The following CAMTA1 variants were observed in gnomAD, a reference collection of about 807,000 sequenced individuals.
CAMTA1 encodes the protein calmodulin-binding transcription activator 1.
CAMTA1 carries 27 observed loss-of-function variants against 170.9 expected under a neutral mutation model. The ratio of observed to expected loss-of-function variants is 0.16; its 90% CI spans 0.12 to 0.22. The LOEUF (loss-of-function observed/expected upper bound fraction) is 0.22. Among genes scored for constraint, CAMTA1 ranks in the 10% least tolerant of loss-of-function variants. The pLI, the probability that CAMTA1 is intolerant of heterozygous loss-of-function variation, is 1.00. For synonymous variants in CAMTA1, 833 were observed against 891.5 expected, an observed-to-expected ratio of 0.93 and a Z score of 1.17; for missense variants, 1,619 against 2,217.2, an observed-to-expected ratio of 0.73 and a Z score of 5.42.
intron 3 of CAMTA1, among the ~76,000 whole-genome samples, chr1:7,054,834 T>C (rs1276321126): frequency 2.6e-5 from 4 of 152,180 alleles, no homozygotes; most frequent in Admixed American, 2.6e-4. Flanking sequence ...AATTTATAAA[T>C]ACAAGAAGTT....
At chr1:7,385,254 T>C (rs918314916) in intron 5 of CAMTA1, among the ~76,000 whole-genome samples, 9 of 151,978 alleles carry the variant, frequency 5.9e-5, no homozygotes, top group African/African-American at 2.2e-4. Context: ...CACTCCCGGC[T>C]AAGTTTTTGT....
chr1:7,694,225 G>C (rs1161966754), intron 11 of CAMTA1: 2 of 152,242 alleles, frequency 1.3e-5, no homozygotes, highest in Admixed American at 6.5e-5. Context: ...GTTGTTGTGT[G>C]TCTGAGGTGT....
At position 7,398,154 on chromosome 1, in the gene CAMTA1, GCT is replaced by G. The variant is rs371668581; in HGVS notation, c.439-69637_439-69636del. Among the ~76,000 whole-genome samples, 131 of 26,238 alleles carry G rather than the reference GCT, an allele frequency of 5.0e-3. 3 individuals are homozygous for G. The highest frequency in any genetic ancestry group is 0.012 in the South Asian group (6 of 504). 17.2% of individuals were successfully genotyped at this position (26,238 alleles called of 152,430 possible). A position where few individuals can be genotyped will look rare whatever the true frequency, so the allele number is the denominator to read the frequency against. On this transcript the variant is annotated intron_variant, in intron 5 of 22. Coordinates refer to ENST00000303635, the MANE Select transcript of CAMTA1 (RefSeq NM_015215.4). ...TTCAGAAGTTAGATATAATAATATT[GCT>G]CTCTCTCTCTCTCTCTCTCTCTCTC...
chr1:7,010,012 G>A lies in CAMTA1; in HGVS notation c.235-81292G>A, dbSNP rs755777443. On this transcript the variant is annotated intron_variant, in intron 3 of 22. Transcript: ENST00000303635. The surrounding 1 kb of genome is among the most constrained non-coding windows in gnomAD (Gnocchi z 4.4). ...GCGCTGTCCAGGTGCCGGCCAGTGT[G>A]GAAGGAGCTGGCTGCTGAGGATTTA... is the stretch of plus-strand genomic sequence containing the variant. Among the ~76,000 whole-genome samples the A allele has an allele frequency of 1.3e-5, 2 of 152,224 alleles. No homozygotes were observed. Among genetic ancestry groups the A allele is most frequent in the African/African-American group, 2.4e-5 (1 of 41,460 alleles).
intron 1 of CAMTA1, among the ~76,000 whole-genome samples, chr1:6,801,514 C>G (rs1463656780): frequency 6.6e-6 from 1 of 152,016 alleles, no homozygotes. Context: ...AACATAAACA[C>G]TTGTTTAATA....
At position 7,239,863 on chromosome 1, in the gene CAMTA1, AAGAATGAGAGAATG is replaced by A. The variant is rs1225699002; in HGVS notation, c.303-9616_303-9603del. On this transcript the variant is annotated intron_variant, in intron 4 of 22. Transcript: ENST00000303635. Reference sequence around the variant, plus strand: ...GGAAGGTGGAAGGGCAAGAGAGGGCAAGAATGAGAGAATGAGAATGAGAGAGGAGGAGGGGGCCA... The same window carrying A: ...GGAAGGTGGAAGGGCAAGAGAGGGCAAGAATGAGAGAGGAGGAGGGGGCCA... 6.6e-5 allele frequency among the ~76,000 whole-genome samples: 10 copies of A among 152,088 alleles called. No individual in the cohort carries two copies. In the South Asian group the frequency reaches 2.1e-3, roughly 32 times the overall value.
intron 11 of CAMTA1, among the ~76,000 whole-genome samples, chr1:7,727,877 A>G (rs1008274032): frequency 2.6e-5 from 4 of 152,252 alleles, no homozygotes; most frequent in Non-Finnish European, 4.4e-5. Flanking sequence ...TGCAGAGGAA[A>G]GGACATGTGA....
chr1:7,709,208 G>A (rs901518252), intron 11 of CAMTA1, among the ~76,000 whole-genome samples: 1 of 152,200 alleles, frequency 6.6e-6, no homozygotes, highest in Non-Finnish European at 1.5e-5. Context: ...GCTGTTTATG[G>A]GGTGCAGAGG....
At chr1:7,099,865 G>C (rs1354372743) in intron 4 of CAMTA1, among the ~76,000 whole-genome samples, 1 of 152,220 alleles carries the variant, frequency 6.6e-6, no homozygotes, top group Non-Finnish European at 1.5e-5. Flanking sequence ...AATTCTCCCA[G>C]TTTATAGCCT....
chr1:7,714,038 G>T (rs989043638), intron 11 of CAMTA1, among the ~76,000 whole-genome samples: 1 of 152,074 alleles, frequency 6.6e-6, no homozygotes, highest in Non-Finnish European at 1.5e-5. Context: ...TTAAAAATTG[G>T]CAGCTACTCT....
At chr1:7,150,667 C>T (rs1646519995) in intron 4 of CAMTA1, among the ~76,000 whole-genome samples, 1 of 152,010 alleles carries the variant, frequency 6.6e-6, no homozygotes, top group Admixed American at 6.6e-5. Flanking sequence ...CACTGCTCCA[C>T]CCAATGCAAA....
rs1462811868 is a variant in CAMTA1 at position 6,785,580 on chromosome 1, G to A, written c.45+5G>A. On this transcript the variant is annotated splice_donor_5th_base_variant and intron_variant, in intron 1 of 22. Transcript: ENST00000303635. ...CTGCCGAAAACAAGCCGGAAGGTAA[G>A]AGCCGGAGCGCGAGGGGCTGGGGGG... is the stretch of plus-strand genomic sequence containing the variant. 2 of 1,055,176 alleles carry A rather than the reference G, an allele frequency of 1.9e-6. No individual in the cohort carries two copies. Among genetic ancestry groups the A allele is most frequent in the Non-Finnish European group, 2.3e-6 (2 of 859,222 alleles). 65.4% of individuals were successfully genotyped at this position (1,055,176 alleles called of 1,614,324 possible). A position where few individuals can be genotyped will look rare whatever the true frequency, so the allele number is the denominator to read the frequency against.
intron 3 of CAMTA1, among the ~76,000 whole-genome samples, chr1:7,059,864 T>C (rs1363668455): frequency 6.6e-6 from 1 of 152,190 alleles, no homozygotes; most frequent in Non-Finnish European, 1.5e-5. Context: ...GATCTAAATC[T>C]CACAAAATGC....
At chr1:7,493,796 G>A (rs1348505170) in intron 6 of CAMTA1, among the ~76,000 whole-genome samples, 1 of 152,232 alleles carries the variant, frequency 6.6e-6, no homozygotes, top group Non-Finnish European at 1.5e-5. Context: ...AAATGAGGCT[G>A]TTGGGAGATT....
chr1:6,834,113 T>C (rs1031073112), intron 3 of CAMTA1, among the ~76,000 whole-genome samples: 2 of 151,960 alleles, frequency 1.3e-5, no homozygotes, highest in Non-Finnish European at 1.5e-5. Context: ...TGTTGGACTT[T>C]CCAGGGAGGC....
chr1:7,057,829 T>C (rs1707596183), intron 3 of CAMTA1, among the ~76,000 whole-genome samples: 1 of 152,204 alleles, frequency 6.6e-6, no homozygotes, highest in Non-Finnish European at 1.5e-5. Context: ...CATACAGCCT[T>C]CCCTTCTGAG....
chr1:6,959,646 C>T lies in CAMTA1; in HGVS notation c.235-131658C>T, dbSNP rs72638577. 6.4e-3 allele frequency among the ~76,000 whole-genome samples: 969 copies of T among 152,256 alleles called. 7 individuals carry two copies. The highest frequency in any genetic ancestry group is 8.3e-3 in the Non-Finnish European group (567 of 68,026). On this transcript the variant is annotated intron_variant, in intron 3 of 22. Coordinates refer to ENST00000303635, the MANE Select transcript of CAMTA1 (RefSeq NM_015215.4). ...ATAAAAGTAGCTAATGTTGACTGAG[C>T]GTGTCTTTCATAGTAGGTAGCCAAG... is the stretch of plus-strand genomic sequence containing the variant.
At chr1:7,697,319 G>A (rs532314651) in intron 11 of CAMTA1, among the ~76,000 whole-genome samples, 5 of 152,276 alleles carry the variant, frequency 3.3e-5, no homozygotes, top group South Asian at 4.1e-4. Flanking sequence ...CATCCCGGCC[G>A]TATTCCAGAT....
At chr1:7,669,234 A>T (rs1320586475) in intron 9 of CAMTA1, among the ~76,000 whole-genome samples, 2 of 152,214 alleles carry the variant, frequency 1.3e-5, no homozygotes, top group Admixed American at 1.3e-4. Flanking sequence ...AGCCAGGCTC[A>T]TGCAAGAGCA....
Sources: allele counts gnomAD v4.1 joint callset (sites outside exome capture counted in the v4.1 genomes callset), GRCh38; gene constraint gnomAD v4.1.1; non-coding constraint Gnocchi (gnomAD v3.1); transcripts MANE v1.5; gene names NCBI Gene and HGNC (gene_info 2026-07-23, HGNC 2026-07-21).